The following RAB3C variants were observed in gnomAD, a reference collection of about 807,000 sequenced individuals.
RAB3C encodes the protein RAB3C, member RAS oncogene family, also known as ras-related protein Rab-3C.
RAB3C carries 17 observed loss-of-function variants against 26.4 expected under a neutral mutation model. The observed-to-expected ratio is 0.64, with a 90% CI of 0.44 to 0.97. The LOEUF (loss-of-function observed/expected upper bound fraction) is 0.97. Among genes scored for constraint, RAB3C ranks in the 50% least tolerant of loss-of-function variants. RAB3C has a pLI of 0.00. For missense variants in RAB3C, 242 were observed against 281.9 expected (o/e 0.86, Z 1.01); for synonymous variants, 91 against 95.9 (o/e 0.95, Z 0.30).
At chr5:58,594,450 A>G (rs1051922824) in intron 1 of RAB3C, among the ~76,000 whole-genome samples, 2 of 152,192 alleles carry the variant, frequency 1.3e-5, no homozygotes, top group African/African-American at 4.8e-5. Flanking sequence ...GTTCTTTGTA[A>G]TAAATAATAG....
rs149951775 is a variant in RAB3C at position 58,694,970 on chromosome 5, G to A, written c.253-31032G>A. 3.2e-3 allele frequency among the ~76,000 whole-genome samples: 488 copies of A among 152,184 alleles called. 5 individuals carry two copies. The highest frequency in any genetic ancestry group is 0.011 in the African/African-American group (439 of 41,532). On this transcript the variant is annotated intron_variant, in intron 2 of 4. Coordinates refer to ENST00000282878, the MANE Select transcript of RAB3C (RefSeq NM_138453.4). ...TTTGTCTGTTTTGGCTTTTGTCGCC[G>A]TTGCTTTCGGTGTTTTAGTCATGAA...
chr5:58,832,181 A>G (rs1349329051), intron 4 of RAB3C, among the ~76,000 whole-genome samples: 1 of 152,162 alleles, frequency 6.6e-6, no homozygotes, highest in Non-Finnish European at 1.5e-5. Flanking sequence ...TCTAGTCCCC[A>G]TGTGGCCAAT....
intron 1 of RAB3C, among the ~76,000 whole-genome samples, chr5:58,600,047 A>G (rs375484956): frequency 6.6e-6 from 1 of 152,150 alleles, no homozygotes; most frequent in South Asian, 2.1e-4. Flanking sequence ...ATGAGGATCC[A>G]GTTTCATTCT....
At chr5:58,754,231 A>G (rs1741596464) in intron 3 of RAB3C, among the ~76,000 whole-genome samples, 1 of 152,180 alleles carries the variant, frequency 6.6e-6, no homozygotes. Flanking sequence ...TTACAACACA[A>G]TTATTATACT....
At chr5:58,700,554 A>G (rs1748820660) in intron 2 of RAB3C, among the ~76,000 whole-genome samples, 1 of 152,196 alleles carries the variant, frequency 6.6e-6, no homozygotes, top group South Asian at 2.1e-4. Flanking sequence ...TCAGAGCCCT[A>G]AGGTGTTTAT....
At chr5:58,663,769 AAAAC>A (rs543052753) in intron 2 of RAB3C, among the ~76,000 whole-genome samples, 5 of 152,148 alleles carry the variant, frequency 3.3e-5, no homozygotes, top group Non-Finnish European at 7.4e-5. Context: ...TTAAAAAATG[AAAAC>A]AAACAAAAAA....
At chr5:58,841,385 G>T (rs1257379357) in intron 4 of RAB3C, among the ~76,000 whole-genome samples, 2 of 152,180 alleles carry the variant, frequency 1.3e-5, no homozygotes, top group African/African-American at 2.4e-5. Flanking sequence ...GCACAGCTGG[G>T]GTTGTGGCAT....
At chr5:58,745,593 C>G (rs1433241055) in intron 3 of RAB3C, among the ~76,000 whole-genome samples, 1 of 151,990 alleles carries the variant, frequency 6.6e-6, no homozygotes, top group African/African-American at 2.4e-5. Flanking sequence ...TAAAGCTCAC[C>G]TCAGACACAT....
intron 4 of RAB3C, among the ~76,000 whole-genome samples, chr5:58,833,196 G>A (rs947243958): frequency 1.3e-5 from 2 of 152,090 alleles, no homozygotes; most frequent in Admixed American, 1.3e-4. Context: ...AGGACAGGAA[G>A]CAGAGATTCC....
At chr5:58,687,151 G>A (rs980384478) in intron 2 of RAB3C, among the ~76,000 whole-genome samples, 16 of 151,976 alleles carry the variant, frequency 1.1e-4, no homozygotes, top group African/African-American at 3.9e-4. Flanking sequence ...ATCCATCTTC[G>A]TGAGTTGAAG....
At chr5:58,683,919 A>G (rs1368811570) in intron 2 of RAB3C, among the ~76,000 whole-genome samples, 1 of 152,176 alleles carries the variant, frequency 6.6e-6, no homozygotes, top group Admixed American at 6.5e-5. Flanking sequence ...ATGCTGACAT[A>G]TTTTTATAAT....
chr5:58,706,955 T>C (rs769939571), intron 2 of RAB3C, among the ~76,000 whole-genome samples: 20 of 152,354 alleles, frequency 1.3e-4, no homozygotes, highest in South Asian at 8.3e-4. Flanking sequence ...TGCTTTTCTT[T>C]CCATGACAGT....
At chr5:58,633,586 TAA>T (rs1747230664) in intron 2 of RAB3C, among the ~76,000 whole-genome samples, 1 of 152,196 alleles carries the variant, frequency 6.6e-6, no homozygotes, top group African/African-American at 2.4e-5. Flanking sequence ...CATATCTGAA[TAA>T]AAGTCATATT....
chr5:58,590,368 A>G (rs1404624471), intron 1 of RAB3C, among the ~76,000 whole-genome samples: 1 of 152,126 alleles, frequency 6.6e-6, no homozygotes, highest in Non-Finnish European at 1.5e-5. Flanking sequence ...CAGTCTTACT[A>G]AATGTTTATA....
intron 3 of RAB3C, among the ~76,000 whole-genome samples, chr5:58,758,623 C>T (rs1363419002): frequency 6.6e-6 from 1 of 152,056 alleles, no homozygotes; most frequent in Non-Finnish European, 1.5e-5. Flanking sequence ...AATTTGCAAT[C>T]AAATGGGGAA....
chr5:58,755,251 C>A (rs73757968), intron 3 of RAB3C, among the ~76,000 whole-genome samples: 2 of 152,172 alleles, frequency 1.3e-5, no homozygotes, highest in Non-Finnish European at 2.9e-5. Context: ...TTTTGATGTC[C>A]TGATTCAATG....
chr5:58,636,670 C>T (rs994278198), intron 2 of RAB3C, among the ~76,000 whole-genome samples: 1 of 152,106 alleles, frequency 6.6e-6, no homozygotes, highest in Non-Finnish European at 1.5e-5. Flanking sequence ...TAAAGAGGAA[C>T]AAAATGTGCC....
chr5:58,582,733 T>A (rs150201725), upstream of RAB3C, among the ~76,000 whole-genome samples: 657 of 152,244 alleles, frequency 4.3e-3, 5 homozygotes, highest in African/African-American at 0.015. Context: ...GGTAGTGTTG[T>A]TTCCTAATCA....
chr5:58,663,070 TGC>T (rs1747936671), intron 2 of RAB3C, among the ~76,000 whole-genome samples: 1 of 150,422 alleles, frequency 6.6e-6, no homozygotes, highest in Non-Finnish European at 1.5e-5. Flanking sequence ...ATAGTACTTC[TGC>T]ATTTTTCTAG....
Sources: gnomAD v4.1 joint callset for allele counts (sites outside exome capture counted in the v4.1 genomes callset) on GRCh38, gnomAD v4.1.1 for gene constraint, MANE v1.5 for transcripts, NCBI Gene and HGNC (gene_info 2026-07-23, HGNC 2026-07-21) for gene names.